The following SESN2 variants were observed in gnomAD, a reference collection of about 807,000 sequenced individuals.
The protein encoded by SESN2 is sestrin-2.
A neutral mutation model predicts 56.0 loss-of-function variants in SESN2; 42 were observed. That is an observed-to-expected ratio of 0.75 (90% CI 0.59 to 0.97). The LOEUF (loss-of-function observed/expected upper bound fraction) is 0.97. Among genes scored for constraint, SESN2 ranks in the 50% least tolerant of loss-of-function variants. The probability of loss-of-function intolerance (pLI) is 0.00; values close to 1 mark genes in which losing one functional copy is unlikely to be tolerated. For missense variants in SESN2, 507 were observed against 649.4 expected (o/e 0.78, Z 2.38); for synonymous variants, 264 against 267.1 (o/e 0.99, Z 0.11).
At chr1:28,262,927 CAAAAA>C in intron 1 of SESN2, among the ~76,000 whole-genome samples, 1 of 151,930 alleles carries the variant, frequency 6.6e-6, no homozygotes, top group South Asian at 2.1e-4. Flanking sequence ...GACTCCGTCT[CAAAAA>C]AAACAAAACA....
chr1:28,272,195 C>A, intron 3 of SESN2, 89 bp from the exon 4 acceptor site: 1 of 1,338,202 alleles, frequency 7.5e-7, no homozygotes, highest in Non-Finnish European at 1.1e-6. Context: ...GAACAGTGAG[C>A]CCTACAACCT....
At chr1:28,274,486 G>T (rs375003591) in intron 7 of SESN2, among the ~76,000 whole-genome samples, 1 of 151,990 alleles carries the variant, frequency 6.6e-6, no homozygotes, top group Non-Finnish European at 1.5e-5. Flanking sequence ...AGCTGTGATC[G>T]CGCTACTGCG....
chr1:28,265,147 T>G (rs1440692758), intron 1 of SESN2, among the ~76,000 whole-genome samples: 1 of 152,174 alleles, frequency 6.6e-6, no homozygotes, highest in Non-Finnish European at 1.5e-5. Flanking sequence ...GCTTAGCCAG[T>G]GGTAACCAGC....
At position 28,272,462 on chromosome 1, in the gene SESN2, T is replaced by C. The variant is rs1479567605; in HGVS notation, c.533T>C (p.Ile178Thr). The change falls in exon 4 of 10, where the codon ATC (isoleucine) becomes ACC (threonine). Residue 178 changes from isoleucine (I) to threonine (T), a missense_variant. Coordinates refer to ENST00000253063, the MANE Select transcript of SESN2 (RefSeq NM_031459.5). Reference protein sequence around the residue: ...HRPWLITKEHIQALLKTGEHT... With the variant: ...HRPWLITKEHTQALLKTGEHT... ...CCATGGCTCATCACCAAGGAACACA[T>C]CCAGGTGCAGGGGGCAGAGAGGCGG... 7 of 1,612,536 alleles carry C rather than the reference T, an allele frequency of 4.3e-6. No homozygotes were observed.
chr1:28,271,652 T>C, intron 2 of SESN2, 22 bp from the exon 3 acceptor site: 2 of 1,603,318 alleles, frequency 1.2e-6, no homozygotes, highest in Middle Eastern at 1.7e-4. Context: ...AAACCCATGC[T>C]CTCCTCCCCT....
At chr1:28,280,188 C>T (rs1648184629) in intron 9 of SESN2, among the ~76,000 whole-genome samples, 1 of 152,118 alleles carries the variant, frequency 6.6e-6, no homozygotes, top group Non-Finnish European at 1.5e-5. Flanking sequence ...CCTCAGCCTC[C>T]CAAGTAGCTG....
At chr1:28,261,320 G>GA (rs894871815) in intron 1 of SESN2, among the ~76,000 whole-genome samples, 1 of 152,172 alleles carries the variant, frequency 6.6e-6, no homozygotes, top group Non-Finnish European at 1.5e-5. Context: ...TCTTTGGAAA[G>GA]ATGGAAATAA....
At chr1:28,278,956 A>C (rs768425980) in intron 8 of SESN2, 141 bp from the exon 9 acceptor site, 4 of 791,008 alleles carry the variant, frequency 5.1e-6, no homozygotes, top group Non-Finnish European at 8.3e-6. Flanking sequence ...CTGTTTCTCC[A>C]AGAGGAACTA....
At chr1:28,262,112 G>C (rs74691619) in intron 1 of SESN2, among the ~76,000 whole-genome samples, 1 of 152,136 alleles carries the variant, frequency 6.6e-6, no homozygotes, top group East Asian at 1.9e-4. Flanking sequence ...TTCCTCTCTC[G>C]AGAAAAGAGG....
In SESN2 at chr1:28,272,651, A is replaced by G; in HGVS notation, c.608A>G (p.His203Arg). The G allele has an allele frequency of 6.2e-7, 1 of 1,614,078 alleles. No individual in the cohort carries two copies. The highest frequency in any genetic ancestry group is 1.1e-5 in the South Asian group (1 of 91,080). Residue 203 changes from histidine to arginine, a missense_variant, in exon 5 of 10, where the codon CAC (histidine) becomes CGC (arginine). Physicochemically the swap from His to Arg is conservative, Grantham distance 29. Transcript: ENST00000253063. ...ATTCAGGCTCTGGTCCTGCTCACCC[A>G]CTGCCACTCGCTCTCCTCCTTCGTG... ...ELIQALVLLTHCHSLSSFVFG... is the reference protein window; with the variant it reads ...ELIQALVLLTRCHSLSSFVFG...
chr1:28,279,028 G>A, intron 8 of SESN2, 69 bp from the exon 9 acceptor site: 2 of 1,476,106 alleles, frequency 1.4e-6, no homozygotes. Context: ...TCTGTAGGGT[G>A]GGGTTGCGGG....
intron 8 of SESN2, among the ~76,000 whole-genome samples, chr1:28,275,227 T>A (rs1647989671): frequency 2.0e-5 from 3 of 152,178 alleles, no homozygotes; most frequent in Admixed American, 2.0e-4. Context: ...AGATAATTAT[T>A]GTTTGATATT....
Position 28,279,082 on chromosome 1 carries a change from G to A in SESN2, c.1212-15G>A. On this transcript the variant is annotated splice_polypyrimidine_tract_variant and intron_variant, in intron 8 of 9. Coordinates refer to ENST00000253063, the MANE Select transcript of SESN2 (RefSeq NM_031459.5). ...AAGAAAGCATGAGTAATGCTGCTGG[G>A]ACCTTTCCATCCAGATATGATGACT... is the stretch of plus-strand genomic sequence containing the variant. 6.2e-7 allele frequency: 1 copy of A among 1,613,884 alleles called. No homozygotes were observed.
intron 1 of SESN2, among the ~76,000 whole-genome samples, chr1:28,268,241 G>T (rs570796373): frequency 6.6e-6 from 1 of 152,092 alleles, no homozygotes; most frequent in East Asian, 1.9e-4. Flanking sequence ...TTAATGAGGT[G>T]GTGGTGGTGG....
At chr1:28,275,129 C>G (rs1647985482) in intron 8 of SESN2, 114 bp downstream of exon 8, 1 of 746,510 alleles carries the variant, frequency 1.3e-6, no homozygotes, top group African/African-American at 1.8e-5. Flanking sequence ...CTTGCCTATA[C>G]TGTTTTTCAA....
At chr1:28,268,871 A>G (rs1030359488) in intron 1 of SESN2, among the ~76,000 whole-genome samples, 9 of 152,116 alleles carry the variant, frequency 5.9e-5, no homozygotes, top group Admixed American at 4.6e-4. Context: ...GACCACTAAG[A>G]AGGTGGCCTC....
chr1:28,268,997 C>A (rs1250031914), intron 1 of SESN2, among the ~76,000 whole-genome samples, 186 bp from the exon 2 acceptor site: 1 of 152,184 alleles, frequency 6.6e-6, no homozygotes, highest in Non-Finnish European at 1.5e-5. Flanking sequence ...TGGAGTGAGC[C>A]CTCTTTCTTG....
At chr1:28,266,020 T>C (rs140643420) in intron 1 of SESN2, among the ~76,000 whole-genome samples, 3 of 152,372 alleles carry the variant, frequency 2.0e-5, no homozygotes, top group African/African-American at 7.2e-5. Flanking sequence ...TTCTGAATTA[T>C]ATGAAGGCCA....
chr1:28,263,091 C>T (rs1647438293), intron 1 of SESN2, among the ~76,000 whole-genome samples: 1 of 152,160 alleles, frequency 6.6e-6, no homozygotes, highest in Admixed American at 6.6e-5. Flanking sequence ...AGATACCCTG[C>T]AAGTCTCATC....
Sources: gnomAD v4.1 joint callset for allele counts (sites outside exome capture counted in the v4.1 genomes callset) on GRCh38, gnomAD v4.1.1 for gene constraint, MANE v1.5 for transcripts, NCBI Gene and HGNC (gene_info 2026-07-23, HGNC 2026-07-21) for gene names.